Variants in CALN1 observed in about 807,000 individuals in gnomAD.
CALN1 encodes the protein calcium-binding protein 8.
In CALN1, 17 loss-of-function variants were observed where a neutral mutation model predicts 30.6. The observed-to-expected ratio is 0.56, with a 90% CI of 0.38 to 0.83. CALN1 has a LOEUF of 0.83. Ranked by LOEUF, CALN1 falls within the 40% of genes least tolerant of loss-of-function variation. The pLI is 0.00. For missense variants in CALN1, 291 were observed against 354.9 expected (o/e 0.82, Z 1.45); for synonymous variants, 156 against 131.4 (o/e 1.19, Z -1.28).
intron 2 of CALN1, among the ~76,000 whole-genome samples, chr7:72,374,558 G>GAAAAAAAAGA (rs1804434312): frequency 7.2e-6 from 1 of 138,566 alleles, no homozygotes; most frequent in Non-Finnish European, 1.5e-5. Context: ...GGAAAAAAAA[G>GAAAAAAAAGA]AAAAAAAAAA....
intron 2 of CALN1, among the ~76,000 whole-genome samples, chr7:72,362,384 A>G (rs986132129): frequency 2.0e-5 from 3 of 152,036 alleles, no homozygotes; most frequent in Non-Finnish European, 2.9e-5. Context: ...ACTTCTCTCC[A>G]TGGCCAACAG....
chr7:72,318,022 T>C (rs933961921), intron 2 of CALN1, among the ~76,000 whole-genome samples: 1 of 152,212 alleles, frequency 6.6e-6, no homozygotes, highest in South Asian at 2.1e-4. Flanking sequence ...TTATTTCTGA[T>C]TGAGCGTCTA....
At chr7:72,445,698 T>A (rs540875766) in intron 1 of CALN1, among the ~76,000 whole-genome samples, 1 of 152,234 alleles carries the variant, frequency 6.6e-6, no homozygotes, top group African/African-American at 2.4e-5. Flanking sequence ...ATGATTCTGA[T>A]CATACAAAAT....
chr7:72,313,021 G>C (rs1800161114), intron 2 of CALN1, among the ~76,000 whole-genome samples: 1 of 152,092 alleles, frequency 6.6e-6, no homozygotes, highest in African/African-American at 2.4e-5. Context: ...TTTTAGTAGA[G>C]ACAGGGTTTC....
chr7:71,789,495 T>G (rs1249146487), intron 6 of CALN1, among the ~76,000 whole-genome samples: 2 of 152,200 alleles, frequency 1.3e-5, no homozygotes, highest in East Asian at 3.9e-4. Context: ...GGTCCCCATC[T>G]GTGTTTAACA....
At chr7:72,337,221 CCGA>C (rs1802125091) in intron 2 of CALN1, 1 of 985,110 alleles carries the variant, frequency 1.0e-6, no homozygotes, top group Non-Finnish European at 1.2e-6. Context: ...GGCCTTGCCG[CCGA>C]CAGCACCACA....
intron 3 of CALN1, among the ~76,000 whole-genome samples, chr7:72,257,683 C>G (rs756217743): frequency 6.6e-6 from 1 of 152,142 alleles, no homozygotes; most frequent in Non-Finnish European, 1.5e-5. Flanking sequence ...CAGCACAGTT[C>G]GCAACTGCAA....
intron 3 of CALN1, among the ~76,000 whole-genome samples, chr7:72,239,307 AG>A (rs1309150638): frequency 1.3e-5 from 2 of 152,224 alleles, no homozygotes; most frequent in Middle Eastern, 3.4e-3. Context: ...CTGAAGCAGG[AG>A]GATCACTTGA....
chr7:72,028,331 T>C (rs1801225611), intron 4 of CALN1, among the ~76,000 whole-genome samples: 1 of 152,156 alleles, frequency 6.6e-6, no homozygotes, highest in African/African-American at 2.4e-5. Flanking sequence ...ACTGGTGCAT[T>C]TCACAGGTCC....
chr7:71,902,263 ACCAATC>A (rs1157775493), intron 5 of CALN1, among the ~76,000 whole-genome samples: 24 of 73,706 alleles, frequency 3.3e-4, no homozygotes, highest in East Asian at 8.5e-4. Context: ...CAACCAACCA[ACCAATC>A]AAAAAAAAAA....
chr7:72,335,663 G>A (rs971612713), intron 2 of CALN1, among the ~76,000 whole-genome samples: 1 of 152,206 alleles, frequency 6.6e-6, no homozygotes, highest in African/African-American at 2.4e-5. Context: ...TGCAGGCACC[G>A]CTTCACCCAG....
chr7:71,972,100 G>A (rs914714377), intron 5 of CALN1, among the ~76,000 whole-genome samples: 9 of 152,020 alleles, frequency 5.9e-5, no homozygotes, highest in East Asian at 1.9e-4. Flanking sequence ...GAATACGGAC[G>A]TAGTACCCAC....
intron 5 of CALN1, among the ~76,000 whole-genome samples, chr7:71,811,543 A>C (rs1787957242): frequency 6.6e-6 from 1 of 151,910 alleles, no homozygotes; most frequent in African/African-American, 2.4e-5. Flanking sequence ...ACACAAGTTC[A>C]AAGTCATGTT....
chr7:71,839,419 C>G (rs1789808612), intron 5 of CALN1, among the ~76,000 whole-genome samples: 1 of 152,178 alleles, frequency 6.6e-6, no homozygotes, highest in Non-Finnish European at 1.5e-5. Context: ...GTAATCCCAG[C>G]TAGTCAGGAG....
chr7:72,451,479 C>T (rs1808662910), upstream of CALN1, among the ~76,000 whole-genome samples: 1 of 151,980 alleles, frequency 6.6e-6, no homozygotes, highest in South Asian at 2.1e-4. Flanking sequence ...GGTAACCTGC[C>T]CAAAGACAAG....
chr7:72,348,858 A>C (rs1225662650), intron 2 of CALN1, among the ~76,000 whole-genome samples: 3 of 152,222 alleles, frequency 2.0e-5, no homozygotes, highest in Non-Finnish European at 4.4e-5. Context: ...CAAAGGACAA[A>C]AGCAAAATTC....
intron 3 of CALN1, among the ~76,000 whole-genome samples, chr7:72,202,276 A>G (rs1791490901): frequency 6.6e-6 from 1 of 152,222 alleles, no homozygotes; most frequent in Non-Finnish European, 1.5e-5. Context: ...GTAGAGGAAA[A>G]GGATAAAAGA....
chr7:72,023,775 A>C lies in CALN1; in HGVS notation c.389-6T>G. On this transcript the variant is annotated splice_region_variant and splice_polypyrimidine_tract_variant and intron_variant, in intron 4 of 6. Transcript: ENST00000395275. The stretch of plus-strand genomic sequence containing the variant: ...AAAATCCACCTGGCCATCCCCTGCA[A>C]GGAGAAGATGTAAATATGAGTTGCA... 6.2e-7 allele frequency: 1 copy of C among 1,611,336 alleles called. No homozygotes were observed. The highest frequency in any genetic ancestry group is 8.5e-7 in the Non-Finnish European group (1 of 1,177,704).
At chr7:72,317,138 GAGAAGGCAGGGA>G (rs1221278701) in intron 2 of CALN1, among the ~76,000 whole-genome samples, 2 of 126,554 alleles carry the variant, frequency 1.6e-5, no homozygotes, top group Admixed American at 8.3e-5. Flanking sequence ...GAAAGGGAAG[GAGAAGGCAGGGA>G]AGAAGGGAGC....
Sources: allele counts gnomAD v4.1 joint callset (sites outside exome capture counted in the v4.1 genomes callset), GRCh38; gene constraint gnomAD v4.1.1; transcripts MANE v1.5; gene names NCBI Gene and HGNC (gene_info 2026-07-23, HGNC 2026-07-21).